WDR7: variants seen among roughly 807,000 people sequenced by gnomAD.
The protein encoded by WDR7 is WD repeat-containing protein 7.
In WDR7, 46 loss-of-function variants were observed where a neutral mutation model predicts 169.4. That is an observed-to-expected ratio of 0.27 (90% CI 0.21 to 0.35). WDR7 has a LOEUF of 0.35. WDR7 is among the 10% of genes least tolerant of loss of function. The probability of loss-of-function intolerance (pLI) is 1.00; values close to 1 mark genes in which losing one functional copy is unlikely to be tolerated. For missense variants in WDR7, 1,534 were observed against 1,859.3 expected, an observed-to-expected ratio of 0.83 and a Z score of 3.22; for synonymous variants, 612 against 666.8, an observed-to-expected ratio of 0.92 and a Z score of 1.27.
At chr18:56,917,834 T>TTCATATCACC (rs2046650279) in intron 21 of WDR7, among the ~76,000 whole-genome samples, 1 of 152,156 alleles carries the variant, frequency 6.6e-6, no homozygotes, top group South Asian at 2.1e-4. Flanking sequence ...GCTTTGCTCT[T>TTCATATCACC]TCATATCACC....
chr18:56,832,840 A>G (rs1450598770), intron 20 of WDR7, among the ~76,000 whole-genome samples: 2 of 152,200 alleles, frequency 1.3e-5, no homozygotes, highest in African/African-American at 4.8e-5. Context: ...AAGGTCACCA[A>G]CAGAAAACAC....
chr18:56,751,039 G>T (rs538037998), intron 14 of WDR7, among the ~76,000 whole-genome samples: 1 of 151,942 alleles, frequency 6.6e-6, no homozygotes, highest in African/African-American at 2.4e-5. Flanking sequence ...CTTCTCATCT[G>T]TTTTTGTTCC....
intron 20 of WDR7, among the ~76,000 whole-genome samples, chr18:56,822,051 C>G (rs1009989471): frequency 6.6e-6 from 1 of 152,000 alleles, no homozygotes; most frequent in African/African-American, 2.4e-5. Flanking sequence ...CTCAAACTCC[C>G]GAGTAGCTGG....
chr18:56,664,545 T>TAA (rs113182819), intron 1 of WDR7, among the ~76,000 whole-genome samples: 59 of 149,736 alleles, frequency 3.9e-4, no homozygotes, highest in African/African-American at 1.4e-3. Context: ...TTTTTTTTTT[T>TAA]AAGAGACATT....
At chr18:56,815,926 T>G (rs2044959929) in intron 19 of WDR7, 105 bp from the exon 20 acceptor site, 2 of 838,100 alleles carry the variant, frequency 2.4e-6, no homozygotes, top group Non-Finnish European at 3.6e-6. Context: ...TATTTTTTAA[T>G]GTATTGTGTT....
At chr18:56,891,819 A>G (rs998529000) in intron 21 of WDR7, among the ~76,000 whole-genome samples, 1 of 152,084 alleles carries the variant, frequency 6.6e-6, no homozygotes, top group Non-Finnish European at 1.5e-5. Flanking sequence ...ATTATCATAC[A>G]CATTTTATAT....
chr18:56,754,548 G>A (rs1355363551), intron 14 of WDR7, among the ~76,000 whole-genome samples: 2 of 151,978 alleles, frequency 1.3e-5, no homozygotes, highest in South Asian at 2.1e-4. Context: ...ATGTGTGCAC[G>A]CGTGTGCGTG....
At chr18:56,758,793 T>C (rs2043937546) in intron 15 of WDR7, 72 bp from the exon 16 acceptor site, 1 of 1,215,338 alleles carries the variant, frequency 8.2e-7, no homozygotes, top group African/African-American at 1.6e-5. Context: ...AGTAGAAAAT[T>C]TTTTATTTTA....
intron 20 of WDR7, among the ~76,000 whole-genome samples, chr18:56,833,783 A>G (rs2045354411): frequency 6.6e-6 from 1 of 152,186 alleles, no homozygotes. Flanking sequence ...GTCTCAAAGA[A>G]TCCTTCATAC....
At chr18:56,744,990 A>G (rs1344372208) in intron 14 of WDR7, among the ~76,000 whole-genome samples, 7 of 152,114 alleles carry the variant, frequency 4.6e-5, no homozygotes, top group Non-Finnish European at 1.5e-5. Flanking sequence ...GGCTTTTAGT[A>G]TTTGGTGGTG....
At chr18:56,944,271 C>T (rs764198971) in intron 25 of WDR7, among the ~76,000 whole-genome samples, 3 of 151,948 alleles carry the variant, frequency 2.0e-5, no homozygotes, top group East Asian at 1.9e-4. Flanking sequence ...GGATTATAGG[C>T]GTGAGCCACT....
At chr18:56,837,962 A>G (rs2045420635) in intron 20 of WDR7, among the ~76,000 whole-genome samples, 1 of 152,228 alleles carries the variant, frequency 6.6e-6, no homozygotes, top group South Asian at 2.1e-4. Context: ...ACCTACTACT[A>G]TTCCATAACT....
chr18:56,841,527 C>CA (rs1006688195), intron 20 of WDR7, among the ~76,000 whole-genome samples: 5 of 144,628 alleles, frequency 3.5e-5, no homozygotes, highest in African/African-American at 1.3e-4. Flanking sequence ...GCCTGGACGA[C>CA]AGAGTGAGAC....
Position 56,710,128 on chromosome 18 carries a change from C to T in WDR7, c.1579-7836C>T, listed in dbSNP as rs370445512. Among the ~76,000 whole-genome samples, 5 of 151,592 alleles carry T rather than the reference C, an allele frequency of 3.3e-5. No homozygotes were observed. The South Asian group carries it at 6.2e-4, about 19-fold the overall frequency. ...ATGCCATTCTCCTGCCTCAGCCTCCCGAGTAGCTGGGACTATAGGCGCCTG... is the reference window on the plus strand; with the variant it reads ...ATGCCATTCTCCTGCCTCAGCCTCCTGAGTAGCTGGGACTATAGGCGCCTG... On this transcript the variant is annotated intron_variant, in intron 12 of 27. Transcript: ENST00000254442.
chr18:56,753,105 G>A (rs1449246990), intron 14 of WDR7: 1 of 152,152 alleles, frequency 6.6e-6, no homozygotes, highest in African/African-American at 2.4e-5. Context: ...TCTTAAGCTA[G>A]AAAGAAACGT....
At chr18:56,732,227 T>C (rs1313999914) in intron 14 of WDR7, among the ~76,000 whole-genome samples, 1 of 152,172 alleles carries the variant, frequency 6.6e-6, no homozygotes, top group Non-Finnish European at 1.5e-5. Context: ...TCTTTAGTTT[T>C]GTAGAGTCTA....
intron 21 of WDR7, among the ~76,000 whole-genome samples, chr18:56,896,765 G>C (rs1348326312): frequency 6.6e-6 from 1 of 151,692 alleles, no homozygotes; most frequent in African/African-American, 2.4e-5. Context: ...TTGGAATGGG[G>C]AAAGATTTCA....
chr18:56,765,598 A>C (rs188214957), intron 16 of WDR7, among the ~76,000 whole-genome samples: 1 of 152,030 alleles, frequency 6.6e-6, no homozygotes, highest in Non-Finnish European at 1.5e-5. Flanking sequence ...AAACCTCACA[A>C]ATTATTCTTG....
intron 24 of WDR7, 117 bp downstream of exon 24, chr18:56,938,799 G>A (rs2046994060): frequency 1.1e-5 from 12 of 1,049,234 alleles, no homozygotes; most frequent in Non-Finnish European, 1.6e-5. Context: ...GGGTGAGAGA[G>A]AAAGAATGAG....
Sources: allele counts gnomAD v4.1 joint callset (sites outside exome capture counted in the v4.1 genomes callset), GRCh38; gene constraint gnomAD v4.1.1; transcripts MANE v1.5; gene names NCBI Gene and HGNC (gene_info 2026-07-23, HGNC 2026-07-21).